The following PPARGC1A variants were observed in gnomAD, a reference collection of about 807,000 sequenced individuals.
PPARGC1A encodes peroxisome proliferator-activated receptor gamma coactivator 1-alpha.
In PPARGC1A, 25 loss-of-function variants were observed where a neutral mutation model predicts 88.7. The observed-to-expected ratio is 0.28, with a 90% CI of 0.21 to 0.39. The LOEUF is 0.39. Among genes scored for constraint, PPARGC1A ranks in the 10% least tolerant of loss-of-function variants. PPARGC1A has a pLI of 1.00. For missense variants in PPARGC1A, 880 were observed against 968.7 expected (o/e 0.91, Z 1.22); for synonymous variants, 363 against 355.6 (o/e 1.02, Z -0.24).
intron 2 of PPARGC1A, among the ~76,000 whole-genome samples, chr4:23,844,029 T>G (rs1029499126): frequency 6.6e-6 from 1 of 151,556 alleles, no homozygotes; most frequent in African/African-American, 2.4e-5. Context: ...TATATATATC[T>G]TTATTTACAC....
At chr4:24,039,825 C>T in the PPARGC1A span, among the ~76,000 whole-genome samples, 570 of 152,258 alleles carry the variant, frequency 3.7e-3, 2 homozygotes, top group Middle Eastern at 0.027. Flanking sequence ...TCGATAGAAA[C>T]GTAGCCACAG....
chr4:23,866,948 G>A (rs990276527), intron 2 of PPARGC1A, among the ~76,000 whole-genome samples: 1 of 152,144 alleles, frequency 6.6e-6, no homozygotes, highest in Non-Finnish European at 1.5e-5. Flanking sequence ...ATGTAGACGG[G>A]ACTTGTTAGA....
the PPARGC1A span, among the ~76,000 whole-genome samples, chr4:24,078,541 G>T: frequency 0.021 from 3,155 of 152,094 alleles, 117 homozygotes; most frequent in African/African-American, 0.067. Flanking sequence ...TGTATGTCTT[G>T]GTCCAGTGGG....
chr4:23,946,853 T>C, the PPARGC1A span, among the ~76,000 whole-genome samples: 1 of 151,940 alleles, frequency 6.6e-6, no homozygotes, highest in South Asian at 2.1e-4. Context: ...CATACATGTA[T>C]GTAACCATTG....
chr4:24,247,609 C>T, the PPARGC1A span, among the ~76,000 whole-genome samples: 2 of 152,156 alleles, frequency 1.3e-5, no homozygotes, highest in African/African-American at 4.8e-5. Flanking sequence ...CCCCAAGTGG[C>T]GCACACACAT....
At chr4:23,884,996 C>G in intron 1 of PPARGC1A, 65 bp from the exon 2 acceptor site, 1 of 1,366,578 alleles carries the variant, frequency 7.3e-7, no homozygotes. Flanking sequence ...TATTAAACTG[C>G]AATAGCATGT....
chr4:23,870,718 C>T (rs1418422564), intron 2 of PPARGC1A, among the ~76,000 whole-genome samples: 3 of 152,094 alleles, frequency 2.0e-5, no homozygotes, highest in African/African-American at 7.2e-5. Flanking sequence ...TTTGGCTTCT[C>T]AGAGACATTT....
the PPARGC1A span, among the ~76,000 whole-genome samples, chr4:24,360,026 TG>T: frequency 6.6e-6 from 1 of 152,138 alleles, no homozygotes; most frequent in South Asian, 2.1e-4. Flanking sequence ...GCCACTTTTT[TG>T]CTTCTTTTAC....
chr4:24,247,103 T>C, the PPARGC1A span, among the ~76,000 whole-genome samples: 1 of 152,162 alleles, frequency 6.6e-6, no homozygotes. Context: ...GTGAAAACTG[T>C]GCTCCTCAAC....
the PPARGC1A span, among the ~76,000 whole-genome samples, chr4:24,177,050 T>A: frequency 6.6e-6 from 1 of 152,156 alleles, no homozygotes; most frequent in Non-Finnish European, 1.5e-5. Context: ...ATTGTGGAAG[T>A]CAGTGTGGTG....
chr4:24,260,930 G>C, the PPARGC1A span, among the ~76,000 whole-genome samples: 1 of 152,142 alleles, frequency 6.6e-6, no homozygotes, highest in Non-Finnish European at 1.5e-5. Context: ...TAACAGCTGT[G>C]AATTTCCACC....
At chr4:24,451,965 T>C in the PPARGC1A span, among the ~76,000 whole-genome samples, 19 of 152,164 alleles carry the variant, frequency 1.2e-4, no homozygotes. Context: ...GTGAAGGTGT[T>C]TTTTGTACGA....
the PPARGC1A span, among the ~76,000 whole-genome samples, chr4:23,938,690 A>T: frequency 6.6e-6 from 1 of 152,356 alleles, no homozygotes; most frequent in South Asian, 2.1e-4. Flanking sequence ...AGTCCCTTTC[A>T]TTAGGCAGGG....
the PPARGC1A span, among the ~76,000 whole-genome samples, chr4:24,077,572 G>T: frequency 6.8e-6 from 1 of 146,560 alleles, no homozygotes. Flanking sequence ...GAATATTTTA[G>T]TAGATTTTCT....
the PPARGC1A span, among the ~76,000 whole-genome samples, chr4:24,199,803 G>A: frequency 6.6e-6 from 1 of 152,144 alleles, no homozygotes; most frequent in Non-Finnish European, 1.5e-5. Flanking sequence ...GAAGACAATT[G>A]ATCAATATCT....
At chr4:24,355,947 G>C in the PPARGC1A span, among the ~76,000 whole-genome samples, 3 of 151,656 alleles carry the variant, frequency 2.0e-5, no homozygotes, top group Non-Finnish European at 2.9e-5. Context: ...CTGTAATCCC[G>C]GTACTTTGGG....
the PPARGC1A span, among the ~76,000 whole-genome samples, chr4:24,031,926 C>G: frequency 0.15 from 22,298 of 152,102 alleles, 1,793 homozygotes; most frequent in South Asian, 0.21. Context: ...AAGCTGAAGC[C>G]CAGAGAGGGG....
At chr4:24,387,822 AAGAGAGAAAGAGAGAAAG>A in the PPARGC1A span, among the ~76,000 whole-genome samples, 4 of 68,154 alleles carry the variant, frequency 5.9e-5, no homozygotes, top group East Asian at 4.7e-4. Flanking sequence ...GAAAGAAAGA[AAGAGAGAAAGAGAGAAAG>A]AGAGAGAGAA....
At chr4:24,264,880 A>G in the PPARGC1A span, among the ~76,000 whole-genome samples, 1 of 152,250 alleles carries the variant, frequency 6.6e-6, no homozygotes, top group African/African-American at 2.4e-5. Flanking sequence ...ACTTAAAAAA[A>G]AGAGAAAGAC....
Sources: gnomAD v4.1 joint callset for allele counts (sites outside exome capture counted in the v4.1 genomes callset) on GRCh38, gnomAD v4.1.1 for gene constraint, MANE v1.5 for transcripts, NCBI Gene and HGNC (gene_info 2026-07-23, HGNC 2026-07-21) for gene names.